HELB: variants seen among roughly 807,000 people sequenced by gnomAD.
HELB encodes the protein DNA helicase B.
Under a neutral mutation model 101.7 loss-of-function variants are expected in HELB, and 96 were observed. The observed-to-expected ratio is 0.94, with a 90% CI of 0.80 to 1.12. The LOEUF (loss-of-function observed/expected upper bound fraction) is 1.12. Among genes scored for constraint, HELB ranks in the 50% most tolerant of loss-of-function variants. The pLI is 0.00. For missense variants in HELB, 1,210 were observed against 1,291.9 expected, an observed-to-expected ratio of 0.94 and a Z score of 0.97; for synonymous variants, 437 against 459.7, an observed-to-expected ratio of 0.95 and a Z score of 0.63.
Position 66,338,130 on chromosome 12 carries a change from A to T in HELB, c.*28A>T. Reference sequence around the variant, plus strand: ...TTATTTCAAATTGTTCCGAGTAACTATGTTTTTCTATTGGAGACAAAATGA... The same window carrying T: ...TTATTTCAAATTGTTCCGAGTAACTTTGTTTTTCTATTGGAGACAAAATGA... On this transcript the variant is annotated 3_prime_UTR_variant, in exon 13 of 13. Transcript: ENST00000247815. 7.9e-7 allele frequency: 1 copy of T among 1,263,298 alleles called. No individual in the cohort carries two copies. The highest frequency in any genetic ancestry group is 1.7e-5 in the Admixed American group (1 of 57,310). The allele number at this position is 1,263,298 out of a possible 1,614,324, so 78.3% of individuals were successfully genotyped here. A position where few individuals can be genotyped will look rare whatever the true frequency, so the allele number is the denominator to read the frequency against.
At chr12:66,341,902 G>A (rs1249674201), downstream of HELB, 1 of 152,236 alleles carries the variant, frequency 6.6e-6, no homozygotes, top group African/African-American at 2.4e-5. Context: ...CCCCAGCCAT[G>A]TGGAACTGTG....
intron 3 of HELB, among the ~76,000 whole-genome samples, chr12:66,307,009 G>A (rs1198046996): frequency 6.6e-6 from 1 of 152,144 alleles, no homozygotes; most frequent in East Asian, 1.9e-4. Context: ...ATTTACAAAT[G>A]AATCCGCTTC....
intron 2 of HELB, among the ~76,000 whole-genome samples, chr12:66,305,845 A>G (rs1227306994): frequency 6.6e-6 from 1 of 152,188 alleles, no homozygotes; most frequent in African/African-American, 2.4e-5. Flanking sequence ...TTCAGTCCAA[A>G]ATGGTTTCAA....
chr12:66,324,048 T>C lies in HELB; in HGVS notation c.2363T>C (p.Leu788Pro), dbSNP rs1156884921. ...DKICCTRNAY[L>P]SDLLPENISG... ...ATTTGTTGTACCAGGAATGCATACC[T>C]CTCAGACTTACTACCTGAAAATATC... The change falls in exon 10 of 13, where the codon CTC becomes CCC. Residue 788 changes from leucine (L) to proline (P), a missense_variant. Leu to Pro is a moderately conservative substitution (Grantham distance 98, BLOSUM62 -3). Transcript: ENST00000247815. The C allele has an allele frequency of 8.1e-6, 13 of 1,613,598 alleles. No individual in the cohort carries two copies. In the African/African-American group the frequency reaches 1.6e-4, roughly 20 times the overall value.
chr12:66,320,179 G>C (rs2053654570), intron 7 of HELB, among the ~76,000 whole-genome samples: 1 of 151,810 alleles, frequency 6.6e-6, no homozygotes, highest in African/African-American at 2.4e-5. Flanking sequence ...CCAATGATTT[G>C]AGAAACAATT....
At chr12:66,339,021 T>G (rs2053897083), downstream of HELB, 1 of 152,206 alleles carries the variant, frequency 6.6e-6, no homozygotes, top group Non-Finnish European at 1.5e-5. Context: ...TGTTAAATGG[T>G]AAAAGAAAAA....
intron 11 of HELB, among the ~76,000 whole-genome samples, chr12:66,330,823 G>A (rs948870065): frequency 6.6e-6 from 1 of 151,220 alleles, no homozygotes; most frequent in African/African-American, 2.4e-5. Context: ...TGTAATAATG[G>A]GTTAACACAT....
At chr12:66,302,879 C>A in intron 1 of HELB, 89 bp downstream of exon 1, 4 of 1,162,324 alleles carry the variant, frequency 3.4e-6, no homozygotes, top group South Asian at 1.5e-5. Flanking sequence ...GGCACCCAGT[C>A]GTGCTAACAG....
chr12:66,329,359 C>CT (rs2137012966), intron 11 of HELB, among the ~76,000 whole-genome samples: 2 of 152,280 alleles, frequency 1.3e-5, no homozygotes, highest in South Asian at 4.1e-4. Context: ...CTTCATGGAG[C>CT]TTCCAGCCTG....
chr12:66,304,165 T>G (rs1367429533), intron 1 of HELB, among the ~76,000 whole-genome samples: 1 of 152,232 alleles, frequency 6.6e-6, no homozygotes, highest in African/African-American at 2.4e-5. Context: ...AAGCTTACCC[T>G]CTAGTGTATT....
At chr12:66,323,243 T>C (rs749611675) in intron 9 of HELB, among the ~76,000 whole-genome samples, 1 of 152,062 alleles carries the variant, frequency 6.6e-6, no homozygotes, top group Non-Finnish European at 1.5e-5. Flanking sequence ...ATACCTGCTT[T>C]GCACTAAGTA....
At chr12:66,311,856 TG>T (rs2136994010) in intron 4 of HELB, among the ~76,000 whole-genome samples, 1 of 152,194 alleles carries the variant, frequency 6.6e-6, no homozygotes, top group Non-Finnish European at 1.5e-5. Context: ...TAAAGAAACA[TG>T]GTAGTTGGAA....
intron 11 of HELB, among the ~76,000 whole-genome samples, chr12:66,326,102 T>C (rs919036246): frequency 3.3e-5 from 5 of 152,342 alleles, no homozygotes; most frequent in African/African-American, 1.2e-4. Flanking sequence ...GGACAGCATA[T>C]TGAGTTTAGT....
downstream of HELB, chr12:66,340,230 C>T (rs900431014): frequency 2.0e-5 from 3 of 152,202 alleles, no homozygotes; most frequent in Non-Finnish European, 4.4e-5. Flanking sequence ...TTTATATTCT[C>T]ACCAGCAGTG....
Position 66,310,063 on chromosome 12 carries a change from T to C in HELB, c.1135T>C (p.Cys379Arg). The C allele has an allele frequency of 1.9e-6, 3 of 1,614,224 alleles. No individual in the cohort carries two copies. The highest frequency in any genetic ancestry group is 2.5e-6 in the Non-Finnish European group (3 of 1,180,042). ...GATGAAGAAACCTCCTTGGCATTTA[T>C]GTGTCGATGTCGAAAAGGTGCTTGC... ...DLMKKPPWHL[C>R]VDVEKVLASI... is the part of the protein sequence containing the mutation. The change falls in exon 4 of 13, where the codon TGT becomes CGT. Residue 379 changes from cysteine (C) to arginine (R), a missense_variant. Physicochemically the swap from Cys to Arg is radical, Grantham distance 180. Transcript: ENST00000247815.
chr12:66,336,824 T>C (rs1321566889), intron 12 of HELB, among the ~76,000 whole-genome samples: 2 of 152,188 alleles, frequency 1.3e-5, no homozygotes, highest in African/African-American at 4.8e-5. Context: ...TAGATTCTTC[T>C]GATTGCAACT....
rs773377913 is a variant in HELB, at chr12:66,318,675, C to T, written c.2038C>T (p.Leu680=). The change falls in exon 7 of 13, where the codon CTA becomes TTA. Residue 680 remains leucine, a synonymous_variant. Transcript: ENST00000247815. ...CCAATTTCCAAAATTTGATGCAGAA[C>T]TAAATATCTCTGATAATCCAACATT... The part of the protein sequence containing the change: ...RRQFPKFDAE[L]NISDNPTLPI... 6.2e-7 allele frequency: 1 copy of T among 1,604,548 alleles called. No homozygotes were observed. The highest frequency in any genetic ancestry group is 1.1e-5 in the South Asian group (1 of 88,642).
chr12:66,322,798 G>T lies in HELB; in HGVS notation c.2297+15G>T. The T allele has an allele frequency of 6.4e-7, 1 of 1,569,490 alleles. No individual in the cohort carries two copies. The highest frequency in any genetic ancestry group is 1.1e-5 in the South Asian group (1 of 86,984). On this transcript the variant is annotated intron_variant, in intron 9 of 12. Coordinates refer to ENST00000247815, the MANE Select transcript of HELB (RefSeq NM_001370285.1). ...CACCTCACCAAGTGAGTGTCTTCGA[G>T]AACTGAAACTTTTAAGGACAGTCCT...
chr12:66,317,960 A>G (rs944048379), intron 6 of HELB, among the ~76,000 whole-genome samples: 1 of 152,164 alleles, frequency 6.6e-6, no homozygotes, highest in African/African-American at 2.4e-5. Flanking sequence ...CCAAATAACC[A>G]TACCTTACTC....
Sources: gnomAD v4.1 joint callset for allele counts (sites outside exome capture counted in the v4.1 genomes callset) on GRCh38, gnomAD v4.1.1 for gene constraint, MANE v1.5 for transcripts, NCBI Gene and HGNC (gene_info 2026-07-23, HGNC 2026-07-21) for gene names.